The following WNK2 variants were observed in gnomAD, a reference collection of about 807,000 sequenced individuals.
The protein encoded by WNK2 is serine/threonine-protein kinase WNK2.
A neutral mutation model predicts 192.1 loss-of-function variants in WNK2; 67 were observed. The ratio of observed to expected loss-of-function variants is 0.35; its 90% CI spans 0.29 to 0.43. The LOEUF is 0.43. Among genes scored for constraint, WNK2 ranks in the 20% least tolerant of loss-of-function variants. WNK2 has a pLI of 1.00. For synonymous variants in WNK2, 1,439 were observed against 1,393.9 expected, an observed-to-expected ratio of 1.03 and a Z score of -0.72; for missense variants, 2,698 against 3,089.7, an observed-to-expected ratio of 0.87 and a Z score of 3.01.
At chr9:93,264,146 GC>G in intron 16 of WNK2, 113 bp downstream of exon 16, 1 of 809,864 alleles carries the variant, frequency 1.2e-6, no homozygotes. Context: ...GTGTCGGTTG[GC>G]CCAGGGGCTT....
At position 93,298,039 on chromosome 9, in the gene WNK2, G is replaced by A. The variant is rs1394632571; in HGVS notation, c.5895G>A (p.Arg1965=). ...GCAAGCTGCTAAATCCCCTGGTGCGGCAGCTCAAGGTCGTGGCCTCCAGCA... is the reference window on the plus strand; with the variant it reads ...GCAAGCTGCTAAATCCCCTGGTGCGACAGCTCAAGGTCGTGGCCTCCAGCA... ...KAGKLLNPLV[R]QLKVVASSTG... is the part of the protein sequence containing the mutation. The change falls in exon 24 of 30, where the codon CGG becomes CGA. Residue 1965 remains arginine (R), a synonymous_variant. Transcript: ENST00000427277. 1.3e-6 allele frequency: 2 copies of A among 1,551,920 alleles called. No homozygotes were observed. The highest frequency in any genetic ancestry group is 1.4e-5 in the African/African-American group (1 of 73,248).
chr9:93,184,351 C>G lies in WNK2; in HGVS notation c.-37C>G, dbSNP rs1828860081. Among the ~76,000 whole-genome samples, 1 of 151,516 alleles carries G rather than the reference C, an allele frequency of 6.6e-6. No individual in the cohort carries two copies. Among genetic ancestry groups the G allele is most frequent in the African/African-American group, 2.4e-5 (1 of 41,374 alleles). ...TCTCCCGCCTCGCACGCCCTGGCCGCCGGGCCGCGGGCATGGACGGCGTCC... is the reference window on the plus strand; with the variant it reads ...TCTCCCGCCTCGCACGCCCTGGCCGGCGGGCCGCGGGCATGGACGGCGTCC... On this transcript the variant is annotated 5_prime_UTR_variant, in exon 1 of 30. Transcript: ENST00000427277.
At chr9:93,267,061 CTG>C (rs923370763) in intron 16 of WNK2, 1 of 152,278 alleles carries the variant, frequency 6.6e-6, no homozygotes, top group Non-Finnish European at 1.5e-5. Context: ...AAGTTGGAGA[CTG>C]TGGACATCTC....
rs556009011 is a variant in WNK2, at chr9:93,289,134, A to G, written c.4380A>G (p.Pro1460=). 4.6e-5 allele frequency: 74 copies of G among 1,602,148 alleles called. No homozygotes were observed. The South Asian group carries it at 7.2e-4, about 16-fold the overall frequency. The change falls in exon 20 of 30, where the codon CCA becomes CCG. Residue 1460 remains proline (P), a synonymous_variant. Coordinates refer to ENST00000427277, the MANE Select transcript of WNK2 (RefSeq NM_006648.4). ...VVGLAPCTPA[P]EAASTRDASA... ...GCCTAGCACCTTGCACTCCAGCTCC[A>G]GAGGCTGCCTCAACCAGGGACGCCA...
chr9:93,241,977 G>A (rs369251471), intron 7 of WNK2, among the ~76,000 whole-genome samples: 413 of 152,288 alleles, frequency 2.7e-3, no homozygotes, highest in African/African-American at 9.3e-3. Flanking sequence ...GTCTTGGCAC[G>A]CTTCCTGCTG....
chr9:93,231,077 G>T lies in WNK2; in HGVS notation c.1044G>T (p.Leu348=), dbSNP rs763168499. Residue 348 remains leucine (L), a synonymous_variant, in exon 4 of 30, where the codon CTG becomes CTT. Transcript: ENST00000427277. The part of the protein sequence containing the change: ...VKIGDLGLAT[L]KRASFAKSVI... ...TTGGCGACTTGGGCCTGGCCACTCT[G>T]AAAAGAGCGTCATTTGCCAAAAGTG... 1.2e-6 allele frequency: 2 copies of T among 1,613,958 alleles called. No homozygotes were observed. Among genetic ancestry groups the T allele is most frequent in the African/African-American group, 2.7e-5 (2 of 75,018 alleles).
At chr9:93,310,622 C>A (rs189504951) in intron 28 of WNK2, among the ~76,000 whole-genome samples, 35 of 152,308 alleles carry the variant, frequency 2.3e-4, no homozygotes, top group Non-Finnish European at 4.4e-4. Context: ...CCTCAGCCCC[C>A]TCTCTGGCAC....
At position 93,259,235 on chromosome 9, in the gene WNK2, C is replaced by T. The variant is rs1463955816; in HGVS notation, c.2687C>T (p.Ala896Val). The change falls in exon 12 of 30, where the codon GCC becomes GTC. Residue 896 changes from alanine (A) to valine (V), a missense_variant. Coordinates refer to ENST00000427277, the MANE Select transcript of WNK2 (RefSeq NM_006648.4). This position sits in a 1 kb window ranked among gnomAD's most constrained non-coding sequence, Gnocchi z 4.8. ...GCCGTAGCCCCACCGGGCGTGGCTG[C>T]CCTGTCCATTCATTCTGCCGTGGCC... ...LLAVAPPGVA[A>V]LSIHSAVAQL... 22 of 1,613,334 alleles carry T rather than the reference C, an allele frequency of 1.4e-5. No individual in the cohort carries two copies. The highest frequency in any genetic ancestry group is 1.8e-5 in the Non-Finnish European group (21 of 1,179,774).
At chr9:93,317,470 G>A in intron 28 of WNK2, 50 bp from the exon 29 acceptor site, 1 of 1,591,852 alleles carries the variant, frequency 6.3e-7, no homozygotes. Context: ...AGGGAGGCCA[G>A]CTGATTGCAG....
At chr9:93,188,421 C>T (rs1457965149) in intron 2 of WNK2, among the ~76,000 whole-genome samples, 1 of 152,210 alleles carries the variant, frequency 6.6e-6, no homozygotes, top group Non-Finnish European at 1.5e-5. Flanking sequence ...ATTTATTTAT[C>T]TCACATCGAA....
intron 27 of WNK2, 136 bp downstream of exon 27, chr9:93,306,957 C>T (rs533125001): frequency 2.7e-5 from 29 of 1,055,236 alleles, no homozygotes; most frequent in East Asian, 2.4e-5. Context: ...CCATGCCTCT[C>T]GGCCGGGCAC....
Position 93,229,338 on chromosome 9 carries a change from G to A in WNK2, c.682-358G>A, listed in dbSNP as rs1259086959. 2.0e-5 allele frequency among the ~76,000 whole-genome samples: 3 copies of A among 152,218 alleles called. No individual in the cohort carries two copies. The highest frequency in any genetic ancestry group is 4.1e-4 in the South Asian group (2 of 4,832). On this transcript the variant is annotated intron_variant, in intron 2 of 29. Coordinates refer to ENST00000427277, the MANE Select transcript of WNK2 (RefSeq NM_006648.4). This position sits in a 1 kb window ranked among gnomAD's most constrained non-coding sequence, Gnocchi z 4.9. ...GTGTATACGTTAGAAGTAAACTGAT[G>A]ATCCATTCTTTTCACAAACACACAG... is the stretch of plus-strand genomic sequence containing the variant.
intron 2 of WNK2, among the ~76,000 whole-genome samples, chr9:93,208,531 G>C (rs1028838094): frequency 2.6e-4 from 40 of 151,194 alleles, no homozygotes; most frequent in African/African-American, 8.5e-4. Context: ...TGTGTATTCT[G>C]TGTGTGTGCA....
rs113236478 is a variant in WNK2, at chr9:93,206,335, C to T, written c.681+20725C>T. Among the ~76,000 whole-genome samples the T allele has an allele frequency of 4.2e-3, 642 of 152,282 alleles. 4 individuals are homozygous for T. The highest frequency in any genetic ancestry group is 0.027 in the Middle Eastern group (8 of 294). ...AGGGTCGCCTGCAGTGACCTGGGCA[C>T]GTGGACCTAGGGTGCTGGGGGAAAC... is the stretch of plus-strand genomic sequence containing the variant. On this transcript the variant is annotated intron_variant, in intron 2 of 29. Coordinates refer to ENST00000427277, the MANE Select transcript of WNK2 (RefSeq NM_006648.4).
intron 2 of WNK2, among the ~76,000 whole-genome samples, chr9:93,196,145 CT>C (rs1831238107): frequency 6.6e-6 from 1 of 152,114 alleles, no homozygotes; most frequent in South Asian, 2.1e-4. Flanking sequence ...TTACAGTTAT[CT>C]TATAAGCCAG....
At chr9:93,251,415 C>G (rs923184357) in intron 8 of WNK2, among the ~76,000 whole-genome samples, 2 of 152,128 alleles carry the variant, frequency 1.3e-5, no homozygotes, top group Non-Finnish European at 2.9e-5. Flanking sequence ...CCATGCCCGG[C>G]ACATATTCAC....
Position 93,185,216 on chromosome 9 carries a change from C to T in WNK2, c.287C>T (p.Pro96Leu). The change falls in exon 2 of 30, where the codon CCC becomes CTC. Residue 96 changes from proline to leucine, a missense_variant. Physicochemically the swap from Pro to Leu is moderately conservative, Grantham distance 98. Transcript: ENST00000427277. ...CGCGCCCGCGGACGCCCCGCCGCCCCCGCGCCCGCAGCGCTGGTAGCGCAG... is the reference window on the plus strand; with the variant it reads ...CGCGCCCGCGGACGCCCCGCCGCCCTCGCGCCCGCAGCGCTGGTAGCGCAG... ...AERARGRPAAPAPAALVAQPG... is the reference protein window; with the variant it reads ...AERARGRPAALAPAALVAQPG... 8.5e-7 allele frequency: 1 copy of T among 1,171,794 alleles called. No homozygotes were observed. Among genetic ancestry groups the T allele is most frequent in the Non-Finnish European group, 1.1e-6 (1 of 951,806 alleles). 72.6% of individuals were successfully genotyped at this position (1,171,794 alleles called of 1,614,324 possible).
chr9:93,267,419 C>G (rs1588309798), intron 16 of WNK2, among the ~76,000 whole-genome samples: 1 of 152,166 alleles, frequency 6.6e-6, no homozygotes, highest in Non-Finnish European at 1.5e-5. Flanking sequence ...CCGTCCTCGG[C>G]CCCCTGCATC....
In WNK2 at chr9:93,292,578, C is replaced by A; in HGVS notation, c.5113C>A (p.Pro1705Thr). Reference protein sequence around the residue: ...EAGESSAEPPPSDMGTVGGQA... With the variant: ...EAGESSAEPPTSDMGTVGGQA... The stretch of plus-strand genomic sequence containing the variant: ...TGGAGAAAGCTCGGCAGAGCCCCCG[C>A]CGAGTGACATGGGCACAGTGGGGGG... The change falls in exon 23 of 30, where the codon CCG (proline) becomes ACG (threonine). Residue 1705 changes from proline to threonine, a missense_variant. Coordinates refer to ENST00000427277, the MANE Select transcript of WNK2 (RefSeq NM_006648.4). The A allele has an allele frequency of 6.4e-7, 1 of 1,572,494 alleles. No individual in the cohort carries two copies. Among genetic ancestry groups the A allele is most frequent in the South Asian group, 1.2e-5 (1 of 85,344 alleles).
Sources: allele counts gnomAD v4.1 joint callset (sites outside exome capture counted in the v4.1 genomes callset), GRCh38; gene constraint gnomAD v4.1.1; non-coding constraint Gnocchi (gnomAD v3.1); transcripts MANE v1.5; gene names NCBI Gene and HGNC (gene_info 2026-07-23, HGNC 2026-07-21).